The following NXN variants were observed in gnomAD, a reference collection of about 807,000 sequenced individuals.
NXN encodes nucleoredoxin 1.
Under a neutral mutation model 48.6 loss-of-function variants are expected in NXN, and 16 were observed. That is an observed-to-expected ratio of 0.33 (90% CI 0.22 to 0.50). The LOEUF is 0.50. NXN is among the 20% of genes least tolerant of loss of function. The probability of loss-of-function intolerance (pLI) is 0.98; values close to 1 mark genes in which losing one functional copy is unlikely to be tolerated. For synonymous variants in NXN, 281 were observed against 269.6 expected (o/e 1.04, Z -0.41); for missense variants, 492 against 605.5 (o/e 0.81, Z 1.97).
Position 839,559 on chromosome 17 carries a change from T to G in NXN, c.361-13481A>C, listed in dbSNP as rs538829830. Reference sequence around the variant, plus strand: ...TGCACGGCAGCTCACGCCTGTAACTTCAGCACTTTGGGAGGCCAAGGTGGG... The same window carrying G: ...TGCACGGCAGCTCACGCCTGTAACTGCAGCACTTTGGGAGGCCAAGGTGGG... On this transcript the variant is annotated intron_variant, in intron 1 of 7. Coordinates refer to ENST00000336868, the MANE Select transcript of NXN (RefSeq NM_022463.5). Among the ~76,000 whole-genome samples, 174 of 151,388 alleles carry G rather than the reference T, an allele frequency of 1.1e-3. 1 individual carries two copies. The highest frequency in any genetic ancestry group is 3.5e-3 in the African/African-American group (146 of 41,210).
intron 5 of NXN, among the ~76,000 whole-genome samples, chr17:809,856 G>C (rs79578281): frequency 7.5e-6 from 1 of 133,346 alleles, no homozygotes; most frequent in Non-Finnish European, 1.7e-5. Context: ...CGAGCGGCGG[G>C]CACCTTACGA....
chr17:861,250 C>T (rs540876803), intron 1 of NXN, among the ~76,000 whole-genome samples: 36 of 152,252 alleles, frequency 2.4e-4, no homozygotes, highest in African/African-American at 7.0e-4. Context: ...TTGTGTGGCT[C>T]GGCCTCCTGA....
At position 955,665 on chromosome 17, in the gene NXN, G is replaced by A. The variant is rs529278240; in HGVS notation, c.360+23654C>T. On this transcript the variant is annotated intron_variant, in intron 1 of 7. Coordinates refer to ENST00000336868, the MANE Select transcript of NXN (RefSeq NM_022463.5). ...TAATCCCAGCACCTCGGGAGGCCGAGGCGGGCGGATCACAAGGTCAGGAGA... is the reference window on the plus strand; with the variant it reads ...TAATCCCAGCACCTCGGGAGGCCGAAGCGGGCGGATCACAAGGTCAGGAGA... Among the ~76,000 whole-genome samples, 451 of 150,078 alleles carry A rather than the reference G, an allele frequency of 3.0e-3. 12 individuals carry two copies. Among genetic ancestry groups the A allele is most frequent in the Non-Finnish European group, 1.1e-3 (75 of 67,552 alleles).
At chr17:913,855 C>T (rs4968138) in intron 1 of NXN, among the ~76,000 whole-genome samples, 55,230 of 152,160 alleles carry the variant, frequency 0.36, 11,387 homozygotes, top group Admixed American at 0.53. Context: ...TTCATTATAA[C>T]GGCGTGTCCT....
At chr17:972,270 C>A (rs1295241077) in intron 1 of NXN, among the ~76,000 whole-genome samples, 1 of 151,820 alleles carries the variant, frequency 6.6e-6, no homozygotes, top group African/African-American at 2.4e-5. Flanking sequence ...TCATTGCACT[C>A]CAGCCTGGGC....
At chr17:905,086 G>C (rs1158407017) in intron 1 of NXN, 1 of 152,070 alleles carries the variant, frequency 6.6e-6, no homozygotes, top group East Asian at 1.9e-4. Context: ...TACCTGGAAG[G>C]CTATGTCATT....
intron 1 of NXN, among the ~76,000 whole-genome samples, chr17:889,499 C>T (rs987471966): frequency 6.6e-6 from 1 of 152,110 alleles, no homozygotes; most frequent in Non-Finnish European, 1.5e-5. Flanking sequence ...GAGTTCAAGA[C>T]CAGCCTGGCC....
chr17:826,511 A>G (rs1913112157), intron 1 of NXN, among the ~76,000 whole-genome samples: 1 of 152,178 alleles, frequency 6.6e-6, no homozygotes, highest in Non-Finnish European at 1.5e-5. Flanking sequence ...TCAGAACACA[A>G]TCAGACCACC....
At chr17:931,639 A>T (rs186031093) in intron 1 of NXN, among the ~76,000 whole-genome samples, 1 of 146,194 alleles carries the variant, frequency 6.8e-6, no homozygotes, top group East Asian at 2.1e-4. Context: ...GATCGAGACC[A>T]TCCCGGCTAA....
Position 917,308 on chromosome 17 carries a change from AT to A in NXN, c.360+62010del, listed in dbSNP as rs1008021608. 2.6e-5 allele frequency among the ~76,000 whole-genome samples: 4 copies of A among 152,110 alleles called. No homozygotes were observed. The highest frequency in any genetic ancestry group is 9.7e-5 in the African/African-American group (4 of 41,436). On this transcript the variant is annotated intron_variant, in intron 1 of 7. Coordinates refer to ENST00000336868, the MANE Select transcript of NXN (RefSeq NM_022463.5). The surrounding 1 kb of genome is among the most constrained non-coding windows in gnomAD (Gnocchi z 4.5). ...AGGCGCCCGCCACCATGCCCAGCTA[AT>A]TTTTTGTATTTTTAGTAGAGACGGG...
intron 5 of NXN, among the ~76,000 whole-genome samples, chr17:809,875 G>A (rs1770485614): frequency 6.6e-6 from 1 of 151,422 alleles, no homozygotes; most frequent in African/African-American, 2.4e-5. Context: ...GAGTCAGTGT[G>A]AGTGGCGTGT....
At chr17:808,903 C>T (rs57902439) in intron 5 of NXN, among the ~76,000 whole-genome samples, 2,388 of 152,132 alleles carry the variant, frequency 0.016, 55 homozygotes, top group African/African-American at 0.051. Context: ...TCTCAAACTC[C>T]TGACCTCAAG....
chr17:807,319 G>A (rs1911615736), intron 5 of NXN, among the ~76,000 whole-genome samples: 1 of 152,228 alleles, frequency 6.6e-6, no homozygotes, highest in Non-Finnish European at 1.5e-5. Flanking sequence ...GTAAACCAGA[G>A]CCCCTGCTGC....
chr17:832,103 G>C (rs955716877), intron 1 of NXN, among the ~76,000 whole-genome samples: 1 of 151,560 alleles, frequency 6.6e-6, no homozygotes, highest in South Asian at 2.1e-4. Flanking sequence ...GATGCAACAT[G>C]ATTATTAGAG....
chr17:901,014 G>A (rs753768905), intron 1 of NXN, among the ~76,000 whole-genome samples: 13 of 148,554 alleles, frequency 8.8e-5, no homozygotes, highest in Non-Finnish European at 1.0e-4. Context: ...TCCACCTCCC[G>A]GGTTCAAGTG....
chr17:872,244 G>A (rs1024843205), intron 1 of NXN, among the ~76,000 whole-genome samples: 3 of 151,354 alleles, frequency 2.0e-5, no homozygotes, highest in Non-Finnish European at 2.9e-5. Context: ...GAGACGGAGG[G>A]AGGGAGGGAG....
intron 1 of NXN, among the ~76,000 whole-genome samples, chr17:873,690 AATG>A (rs1228251325): frequency 3.9e-5 from 6 of 152,128 alleles, no homozygotes; most frequent in African/African-American, 1.4e-4. Context: ...GCATATAAAT[AATG>A]ATAATATCAA....
intron 1 of NXN, among the ~76,000 whole-genome samples, chr17:868,997 C>T (rs1043391361): frequency 9.9e-5 from 15 of 152,178 alleles, no homozygotes; most frequent in African/African-American, 2.4e-4. Context: ...CCCAGGGCCC[C>T]GGGTGGAAGG....
intron 5 of NXN, among the ~76,000 whole-genome samples, chr17:811,920 C>CTTTTT (rs34383551): frequency 2.2e-4 from 16 of 73,202 alleles, no homozygotes; most frequent in South Asian, 5.7e-4. Context: ...CCCAGTTCTG[C>CTTTTT]TTTTTTTTTT....
Sources: gnomAD v4.1 joint callset for allele counts (sites outside exome capture counted in the v4.1 genomes callset) on GRCh38, gnomAD v4.1.1 for gene constraint, Gnocchi (gnomAD v3.1) non-coding constraint, MANE v1.5 for transcripts, NCBI Gene and HGNC (gene_info 2026-07-23, HGNC 2026-07-21) for gene names.